The following DSC1 variants were observed in gnomAD, a reference collection of about 807,000 sequenced individuals.
DSC1 encodes desmocollin-1.
DSC1 carries 79 observed loss-of-function variants against 98.8 expected under a neutral mutation model. The observed-to-expected ratio is 0.80, with a 90% CI of 0.67 to 0.96. The LOEUF is 0.96. Among genes scored for constraint, DSC1 ranks in the 50% least tolerant of loss-of-function variants. The pLI is 0.00. For missense variants in DSC1, 1,115 were observed against 1,075.9 expected, an observed-to-expected ratio of 1.04 and a Z score of -0.51; for synonymous variants, 405 against 372.1, an observed-to-expected ratio of 1.09 and a Z score of -1.02.
rs188856918 is a variant in DSC1, at chr18:31,136,452, A to T, written c.1664-1668T>A. 9.4e-4 allele frequency among the ~76,000 whole-genome samples: 143 copies of T among 152,338 alleles called. 1 individual carries two copies. Among genetic ancestry groups the T allele is most frequent in the Non-Finnish European group, 1.4e-3 (95 of 68,026 alleles). ...ATTTATTTAATCACATATTCAACCA[A>T]CATTTATCCCATAACTTACTATTTT... On this transcript the variant is annotated intron_variant, in intron 11 of 15. Transcript: ENST00000257198.
chr18:31,146,722 T>C (rs1011725623), intron 6 of DSC1, among the ~76,000 whole-genome samples: 3 of 152,232 alleles, frequency 2.0e-5, no homozygotes, highest in Non-Finnish European at 2.9e-5. Flanking sequence ...TAAGTGTTCA[T>C]GGACCATTTT....
chr18:31,159,505 A>T lies in DSC1; in HGVS notation c.88T>A (p.Cys30Ser). 1 of 1,611,000 alleles carries T rather than the reference A, an allele frequency of 6.2e-7. No homozygotes were observed. The highest frequency in any genetic ancestry group is 8.5e-7 in the Non-Finnish European group (1 of 1,179,176). ...LLVLTLLCDA[C>S]QKVYLRVPSH... is the part of the protein sequence containing the mutation. ...GGAACTCGAAGATAAACTTTCTGAC[A>T]AGCATCGCAAAGTAATGTTAAAACC... is the stretch of plus-strand genomic sequence containing the variant. Residue 30 changes from cysteine (C) to serine (S), a missense_variant, in exon 2 of 16, where the codon TGT becomes AGT. Transcript: ENST00000257198.
In DSC1 at chr18:31,134,107, G is replaced by A. The variant is rs750330797; in HGVS notation, c.1900C>T (p.Arg634Trp). 83 of 1,605,344 alleles carry A rather than the reference G, an allele frequency of 5.2e-5. No homozygotes were observed. The highest frequency in any genetic ancestry group is 6.2e-5 in the Non-Finnish European group (73 of 1,179,176). Reference sequence around the variant, plus strand: ...TAATAGTTATAATCAAGATTTTGCCGTTGACGAAGAATGGCAGTTTTACCT... The same window carrying A: ...TAATAGTTATAATCAAGATTTTGCCATTGACGAAGAATGGCAGTTTTACCT... ...KDGKTAILRQ[R>W]QNLDYNYYSV... is the part of the protein sequence containing the mutation. Residue 634 changes from arginine to tryptophan, a missense_variant, in exon 13 of 16, where the codon CGG becomes TGG. Arg to Trp is a moderately radical substitution (Grantham distance 101). Transcript: ENST00000257198.
chr18:31,162,685 A>G lies in DSC1; in HGVS notation c.-91T>C. The G allele has an allele frequency of 8.8e-7, 1 of 1,137,850 alleles. No homozygotes were observed. Among genetic ancestry groups the G allele is most frequent in the South Asian group, 1.3e-5 (1 of 78,794 alleles). 70.5% of individuals were successfully genotyped at this position (1,137,850 alleles called of 1,614,324 possible). A position where few individuals can be genotyped will look rare whatever the true frequency, so the allele number is the denominator to read the frequency against. Reference sequence around the variant, plus strand: ...GCTAAGAAGACGCTGGCACTTGCACAGGGTATTCTGCTGCCACCTTGATGC... The same window carrying G: ...GCTAAGAAGACGCTGGCACTTGCACGGGGTATTCTGCTGCCACCTTGATGC... On this transcript the variant is annotated 5_prime_UTR_variant, in exon 1 of 16. Transcript: ENST00000257198.
At chr18:31,146,012 A>G (rs924887661) in intron 6 of DSC1, among the ~76,000 whole-genome samples, 5 of 152,144 alleles carry the variant, frequency 3.3e-5, no homozygotes, top group Non-Finnish European at 5.9e-5. Flanking sequence ...ATAGATGAGA[A>G]CAGTTCCCAC....
At chr18:31,162,120 C>G (rs920113642) in intron 1 of DSC1, among the ~76,000 whole-genome samples, 5 of 152,100 alleles carry the variant, frequency 3.3e-5, no homozygotes, top group Non-Finnish European at 5.9e-5. Context: ...GCATGTTCAC[C>G]CAGAATCCTT....
intron 15 of DSC1, 90 bp from the exon 16 acceptor site, chr18:31,130,801 GT>G: frequency 6.2e-7 from 1 of 1,612,082 alleles, no homozygotes; most frequent in Non-Finnish European, 8.5e-7. Flanking sequence ...ACCTTTTACT[GT>G]TTAATTTTTA....
chr18:31,131,370 A>C, intron 15 of DSC1: 2 of 594,252 alleles, frequency 3.4e-6, no homozygotes, highest in Non-Finnish European at 5.8e-6. Flanking sequence ...ACACATCTAC[A>C]TATGGCACTC....
chr18:31,140,163 C>G lies in DSC1; in HGVS notation c.1399G>C (p.Glu467Gln). 6.2e-7 allele frequency: 1 copy of G among 1,613,986 alleles called. No individual in the cohort carries two copies. Among genetic ancestry groups the G allele is most frequent in the Non-Finnish European group, 8.5e-7 (1 of 1,179,942 alleles). The stretch of plus-strand genomic sequence containing the variant: ...ACTGGAGGGTGGCATTCAGGGCCCT[C>G]ATCACTGTCTATAATTTTAACGGTG... The part of the protein sequence containing the change: ...TVTVKIIDSD[E>Q]GPECHPPVKV... The change falls in exon 10 of 16, where the codon GAG becomes CAG. Residue 467 changes from glutamate (E) to glutamine (Q), a missense_variant. Transcript: ENST00000257198.
chr18:31,144,180 G>A (rs1328002745), intron 7 of DSC1, among the ~76,000 whole-genome samples: 1 of 152,102 alleles, frequency 6.6e-6, no homozygotes, highest in Non-Finnish European at 1.5e-5. Context: ...AAAGTGCTGG[G>A]ATTACAGGTG....
In DSC1 at chr18:31,145,174, C is replaced by T. The variant is rs112166041; in HGVS notation, c.939+437G>A. Among the ~76,000 whole-genome samples, 899 of 151,892 alleles carry T rather than the reference C, an allele frequency of 5.9e-3. 4 individuals are homozygous for T. The highest frequency in any genetic ancestry group is 9.6e-3 in the Non-Finnish European group (651 of 67,944). Reference sequence around the variant, plus strand: ...AGCCAGGATGGTCTCCATCTCCTAACCTCATGATCCGCCCGCCTCAGGCTC... The same window carrying T: ...AGCCAGGATGGTCTCCATCTCCTAATCTCATGATCCGCCCGCCTCAGGCTC... On this transcript the variant is annotated intron_variant, in intron 7 of 15. Transcript: ENST00000257198.
chr18:31,132,221 C>T (rs770565816), intron 14 of DSC1: 7 of 348,740 alleles, frequency 2.0e-5, no homozygotes, highest in Non-Finnish European at 3.7e-5. Context: ...TTTCCACTGC[C>T]ATAAGCCAGG....
At position 31,134,757 on chromosome 18, in the gene DSC1, A is replaced by G. The variant is rs774153969; in HGVS notation, c.1691T>C (p.Val564Ala). Residue 564 changes from valine to alanine, a missense_variant, in exon 12 of 16, where the codon GTA becomes GCA. By Grantham distance (64) the Val-to-Ala change is moderately conservative. Transcript: ENST00000257198. The stretch of plus-strand genomic sequence containing the variant: ...ATCGTTGTAATCATCCAAATGAACT[A>G]CTAATGTTCCAGTGCAAGATCGGCC... ...AVGRSCTGTL[V>A]VHLDDYNDHA... 6.2e-7 allele frequency: 1 copy of G among 1,612,194 alleles called. No homozygotes were observed.
chr18:31,162,633 A>C lies in DSC1; in HGVS notation c.-39T>G. 5.6e-6 allele frequency: 9 copies of C among 1,596,606 alleles called. No homozygotes were observed. Among genetic ancestry groups the C allele is most frequent in the Non-Finnish European group, 7.7e-6 (9 of 1,164,270 alleles). On this transcript the variant is annotated 5_prime_UTR_variant, in exon 1 of 16. Coordinates refer to ENST00000257198, the MANE Select transcript of DSC1 (RefSeq NM_024421.2). ...AATGGCCAGGGACGGTGGCCAGATA[A>C]CAGGGCAGCCTGGGATGCACAGAGC...
At chr18:31,162,505 T>C (rs1442905942) in intron 1 of DSC1, 27 bp downstream of exon 1, 1 of 1,611,568 alleles carries the variant, frequency 6.2e-7, no homozygotes, top group East Asian at 2.2e-5. Context: ...CATGCTTGAA[T>C]TCCCTAATCC....
chr18:31,142,544 A>G (rs1433086225), intron 8 of DSC1, among the ~76,000 whole-genome samples: 3 of 152,180 alleles, frequency 2.0e-5, no homozygotes, highest in Non-Finnish European at 4.4e-5. Context: ...ATGTTAATAT[A>G]TTAAACACTC....
Position 31,133,950 on chromosome 18 carries a change from T to C in DSC1, c.2057A>G (p.Asn686Ser). The change falls in exon 13 of 16, where the codon AAT becomes AGT. Residue 686 changes from asparagine (N) to serine (S), a missense_variant. Asn to Ser is a conservative substitution (Grantham distance 46). Coordinates refer to ENST00000257198, the MANE Select transcript of DSC1 (RefSeq NM_024421.2). ...AATAGCCCATCTTCCAAGTATTACA[T>C]TTGGTCTAACGTCTCTTGTACTTTT... ...KDKSTRDVRP[N>S]VILGRWAILA... The C allele has an allele frequency of 6.2e-7, 1 of 1,613,346 alleles. No individual in the cohort carries two copies. Among genetic ancestry groups the C allele is most frequent in the Non-Finnish European group, 8.5e-7 (1 of 1,179,574 alleles).
intron 6 of DSC1, among the ~76,000 whole-genome samples, chr18:31,148,285 A>G (rs1988888549): frequency 6.6e-6 from 1 of 152,318 alleles, no homozygotes; most frequent in East Asian, 1.9e-4. Context: ...TCATATGAAT[A>G]TGCTTAAATT....
In DSC1 at chr18:31,145,667, A is replaced by C. The variant is rs992542445; in HGVS notation, c.883T>G (p.Ser295Ala). Residue 295 changes from serine (S) to alanine (A), a missense_variant, in exon 7 of 16, where the codon TCC becomes GCC. Physicochemically the swap from Ser to Ala is moderately conservative, Grantham distance 99. Transcript: ENST00000257198. ...QQIPDHPKHF[S>A]IHPDTGVITT... ...ATGACACCGGTATCTGGGTGTATGG[A>C]GAAATGCTTTGGATGATCTGGGATT... is the stretch of plus-strand genomic sequence containing the variant. 1 of 1,614,086 alleles carries C rather than the reference A, an allele frequency of 6.2e-7. No individual in the cohort carries two copies. Among genetic ancestry groups the C allele is most frequent in the African/African-American group, 1.3e-5 (1 of 74,932 alleles).
Sources: allele counts gnomAD v4.1 joint callset (sites outside exome capture counted in the v4.1 genomes callset), GRCh38; gene constraint gnomAD v4.1.1; transcripts MANE v1.5; gene names NCBI Gene and HGNC (gene_info 2026-07-23, HGNC 2026-07-21).